Variants in LRSAM1 observed in about 807,000 individuals in gnomAD.
LRSAM1 encodes the protein leucine rich repeat and sterile alpha motif containing 1.
A neutral mutation model predicts 118.1 loss-of-function variants in LRSAM1; 96 were observed. The ratio of observed to expected loss-of-function variants is 0.81; its 90% confidence interval spans 0.69 to 0.96. LRSAM1 has a LOEUF of 0.96. LRSAM1 is among the 40% of genes least tolerant of loss of function. The probability of loss-of-function intolerance (pLI) is 0.00; values close to 1 mark genes in which losing one functional copy is unlikely to be tolerated. For synonymous variants in LRSAM1, 322 were observed against 364.2 expected (o/e 0.88, Z 1.32); for missense variants, 804 against 915.5 (o/e 0.88, Z 1.57).
At chr9:127,488,258 G>T (rs148667376) in intron 18 of LRSAM1, among the ~76,000 whole-genome samples, 32 of 152,038 alleles carry the variant, frequency 2.1e-4, no homozygotes, top group African/African-American at 6.7e-4. Context: ...ACTCTGTTTA[G>T]CGTTTTTGTT....
chr9:127,489,107 G>A (rs937893557), intron 18 of LRSAM1, among the ~76,000 whole-genome samples: 3 of 152,118 alleles, frequency 2.0e-5, no homozygotes, highest in African/African-American at 4.8e-5. Flanking sequence ...AGTGGGGCTC[G>A]GGAGCTGGAT....
chr9:127,469,493 G>T (rs1835084230), intron 10 of LRSAM1, among the ~76,000 whole-genome samples: 2 of 151,218 alleles, frequency 1.3e-5, no homozygotes, highest in Non-Finnish European at 2.9e-5. Context: ...AAAAAGAGAT[G>T]ATATACAGAT....
At chr9:127,485,698 C>G (rs139447232) in intron 16 of LRSAM1, 38 bp from the exon 17 acceptor site, 325 of 1,604,426 alleles carry the variant, frequency 2.0e-4, no homozygotes, top group Non-Finnish European at 2.7e-4. Flanking sequence ...CCAGGAGCAG[C>G]CACTCCACTC....
In LRSAM1 at chr9:127,487,664, T is replaced by A. The variant is rs1383105190; in HGVS notation, c.1260-12T>A. On this transcript the variant is annotated splice_polypyrimidine_tract_variant and intron_variant, in intron 17 of 25. Coordinates refer to ENST00000300417, the MANE Select transcript of LRSAM1 (RefSeq NM_001005373.4). ...GTTCCAAGAATGAATGAATTTGCTGTCTTTCTGGCAGCATGGCCGAAATGG... is the reference window on the plus strand; with the variant it reads ...GTTCCAAGAATGAATGAATTTGCTGACTTTCTGGCAGCATGGCCGAAATGG... 2 of 1,612,084 alleles carry A rather than the reference T, an allele frequency of 1.2e-6. No individual in the cohort carries two copies. The highest frequency in any genetic ancestry group is 2.7e-5 in the African/African-American group (2 of 74,914).
chr9:127,481,332 A>G, intron 15 of LRSAM1, 105 bp downstream of exon 15: 1 of 1,253,012 alleles, frequency 8.0e-7, no homozygotes, highest in Admixed American at 1.9e-5. Flanking sequence ...GGCTCAGTGC[A>G]ACCCCCGCCG....
In LRSAM1 at chr9:127,467,726, C is replaced by G. The variant is rs1835011052; in HGVS notation, c.529-14C>G. The G allele has an allele frequency of 3.1e-6, 5 of 1,606,534 alleles. No individual in the cohort carries two copies. The highest frequency in any genetic ancestry group is 3.4e-6 in the Non-Finnish European group (4 of 1,177,040). Reference sequence around the variant, plus strand: ...GGTAGCGAACAGTAAAGCGGGTTACCCTTGTGTCTGCAGATGCTGAGCCTT... The same window carrying G: ...GGTAGCGAACAGTAAAGCGGGTTACGCTTGTGTCTGCAGATGCTGAGCCTT... On this transcript the variant is annotated splice_polypyrimidine_tract_variant and intron_variant, in intron 9 of 25. Transcript: ENST00000300417.
intron 20 of LRSAM1, among the ~76,000 whole-genome samples, chr9:127,492,595 A>G (rs1412930205): frequency 1.3e-5 from 2 of 152,380 alleles, no homozygotes; most frequent in Middle Eastern, 3.4e-3. Context: ...CCAGGATCCC[A>G]TGCCTGACTT....
intron 2 of LRSAM1, 64 bp downstream of exon 2, chr9:127,452,148 G>C (rs1588087391): frequency 6.6e-6 from 1 of 152,426 alleles, no homozygotes; most frequent in African/African-American, 2.4e-5. Flanking sequence ...ATCTAGGCTG[G>C]ACGTCGGAGA....
Position 127,451,562 on chromosome 9 carries a change from G to A in LRSAM1, c.-296G>A, listed in dbSNP as rs746664653. 110 of 568,116 alleles carry A rather than the reference G, an allele frequency of 1.9e-4. 1 individual carries two copies. Among genetic ancestry groups the A allele is most frequent in the Non-Finnish European group, 7.0e-5 (22 of 316,326 alleles). 35.2% of individuals were successfully genotyped at this position (568,116 alleles called of 1,614,324 possible). A position where few individuals can be genotyped will look rare whatever the true frequency, so the allele number is the denominator to read the frequency against. On this transcript the variant is annotated 5_prime_UTR_variant, in exon 1 of 26. Transcript: ENST00000300417. ...GCTGGCAAGCAGGGCACCGCGGTGC[G>A]CTGAAGCTAGAGATTCCGAAAGGGG...
intron 21 of LRSAM1, among the ~76,000 whole-genome samples, chr9:127,494,913 C>G (rs946515394): frequency 6.6e-6 from 1 of 152,190 alleles, no homozygotes; most frequent in African/African-American, 2.4e-5. Context: ...TGTCCACCCG[C>G]TCAGAGGAGC....
intron 4 of LRSAM1, 79 bp from the exon 5 acceptor site, chr9:127,455,497 C>T (rs1396548957): frequency 7.0e-7 from 1 of 1,437,132 alleles, no homozygotes; most frequent in African/African-American, 1.4e-5. Context: ...CCTGTCTCTT[C>T]CTCACGTGAA....
At position 127,473,818 on chromosome 9, in the gene LRSAM1, T is replaced by A; in HGVS notation, c.637T>A (p.Tyr213Asn). 1.2e-6 allele frequency: 2 copies of A among 1,614,182 alleles called. No individual in the cohort carries two copies. Among genetic ancestry groups the A allele is most frequent in the Non-Finnish European group, 1.7e-6 (2 of 1,180,044 alleles). Residue 213 changes from tyrosine to asparagine, a missense_variant, in exon 11 of 26, where the codon TAC becomes AAC. By Grantham distance (143) the Tyr-to-Asn change is moderately radical. Coordinates refer to ENST00000300417, the MANE Select transcript of LRSAM1 (RefSeq NM_001005373.4). The stretch of plus-strand genomic sequence containing the variant: ...TCTTACAGAGTCAGGGCTGGAATAC[T>A]ACCCCCCTTCTCAGTACTTGCTGCC... ...FLCKESGLEY[Y>N]PPSQYLLPIL...
chr9:127,466,233 G>A (rs919117149), intron 9 of LRSAM1, among the ~76,000 whole-genome samples: 3 of 151,598 alleles, frequency 2.0e-5, no homozygotes, highest in Admixed American at 1.3e-4. Context: ...TGCTTGAACT[G>A]GGGAGGCAAA....
At chr9:127,464,885 C>G (rs1834874919) in intron 9 of LRSAM1, among the ~76,000 whole-genome samples, 2 of 152,064 alleles carry the variant, frequency 1.3e-5, no homozygotes, top group South Asian at 4.2e-4. Context: ...TCAAGCAATC[C>G]TCCCGCCTTG....
At chr9:127,490,065 C>T (rs1054902135) in intron 19 of LRSAM1, among the ~76,000 whole-genome samples, 1 of 146,212 alleles carries the variant, frequency 6.8e-6, no homozygotes, top group Non-Finnish European at 1.5e-5. Context: ...CCCCCCACCC[C>T]CCGCAGGCCG....
At chr9:127,477,846 G>A (rs1166947459) in intron 11 of LRSAM1, among the ~76,000 whole-genome samples, 1 of 152,024 alleles carries the variant, frequency 6.6e-6, no homozygotes, top group African/African-American at 2.4e-5. Flanking sequence ...TCAGGAGTTC[G>A]AGACCAGCTT....
At chr9:127,483,119 A>T in intron 16 of LRSAM1, 99 bp downstream of exon 16, 1 of 1,143,592 alleles carries the variant, frequency 8.7e-7, no homozygotes, top group Non-Finnish European at 1.3e-6. Context: ...GAGGGCCCTG[A>T]GTGTTAGCCC....
intron 10 of LRSAM1, among the ~76,000 whole-genome samples, chr9:127,472,177 G>T (rs888689883): frequency 6.7e-6 from 1 of 150,032 alleles, no homozygotes; most frequent in Non-Finnish European, 1.5e-5. Context: ...GGTCAGGCTG[G>T]TCTCGAACTC....
chr9:127,491,136 G>C, intron 19 of LRSAM1, 79 bp from the exon 20 acceptor site: 2 of 1,218,414 alleles, frequency 1.6e-6, no homozygotes, highest in Admixed American at 3.4e-5. Context: ...AGACCCACTT[G>C]GTCACCAGAG....
Sources: gnomAD v4.1 joint callset for allele counts (sites outside exome capture counted in the v4.1 genomes callset) on GRCh38, gnomAD v4.1.1 for gene constraint, MANE v1.5 for transcripts, NCBI Gene and HGNC (gene_info 2026-07-23, HGNC 2026-07-21) for gene names.